ARHGEF1: variants seen among roughly 807,000 people sequenced by gnomAD.
ARHGEF1 encodes 115 kDa guanine nucleotide exchange factor.
Under a neutral mutation model 119.7 loss-of-function variants are expected in ARHGEF1, and 40 were observed. That is an observed-to-expected ratio of 0.33 (90% CI 0.26 to 0.44). The LOEUF is 0.44. Among genes scored for constraint, ARHGEF1 ranks in the 20% least tolerant of loss-of-function variants. The pLI, the probability that ARHGEF1 is intolerant of heterozygous loss-of-function variation, is 1.00. For missense variants in ARHGEF1, 976 were observed against 1,268.3 expected (o/e 0.77, Z 3.50); for synonymous variants, 494 against 521.0 (o/e 0.95, Z 0.71).
At chr19:41,898,658 G>A (rs1413517947) in intron 14 of ARHGEF1, 71 bp downstream of exon 14, 33 of 1,476,922 alleles carry the variant, frequency 2.2e-5, no homozygotes, top group Middle Eastern at 2.4e-4. Context: ...AAAGACAGGC[G>A]CAGAGAGATG....
chr19:41,911,692 A>G (rs537197705), downstream of ARHGEF1, among the ~76,000 whole-genome samples: 2 of 152,084 alleles, frequency 1.3e-5, no homozygotes, highest in East Asian at 1.9e-4. Context: ...CCCATTCCAC[A>G]CCCAGAACAC....
Position 41,912,763 on chromosome 19 carries a change from A to G in ARHGEF1, c.1865+5960A>G, listed in dbSNP as rs1043556738. The G allele has an allele frequency of 1.0e-4, 44 of 427,196 alleles. 1 individual carries two copies. In the South Asian group the frequency reaches 5.2e-3, roughly 50 times the overall value. 26.5% of individuals were successfully genotyped at this position (427,196 alleles called of 1,614,324 possible). A position where few individuals can be genotyped will look rare whatever the true frequency, so the allele number is the denominator to read the frequency against. ...AGAAGGACCCACGGACTAGAGTGAG[A>G]CACGTGGAGACACGGAGAGAAGGGG... is the stretch of plus-strand genomic sequence containing the variant. On this transcript the variant is annotated intron_variant, in intron 18 of 20. Coordinates refer to the ARHGEF1 transcript ENST00000599589.
rs1568831858 is a variant in ARHGEF1, at chr19:41,914,629, GTCTCTGTCTCTCCCTCCCTTTCCACCA to G, written c.1865+7845_1865+7871del. 4.0e-3 allele frequency among the ~76,000 whole-genome samples: 87 copies of G among 21,600 alleles called. 12 individuals are homozygous for G. Among genetic ancestry groups the G allele is most frequent in the Non-Finnish European group, 4.5e-3 (62 of 13,642 alleles). 14.2% of individuals were successfully genotyped at this position (21,600 alleles called of 152,430 possible). A position where few individuals can be genotyped will look rare whatever the true frequency, so the allele number is the denominator to read the frequency against. ...CTCTCCCTCCCCTTCCACCATCTCT[GTCTCTGTCTCTCCCTCCCTTTCCACCA>G]TCTCTGTCTCTCCCTCCCCTTCCAC... On this transcript the variant is annotated intron_variant, in intron 18 of 20. Coordinates refer to the ARHGEF1 transcript ENST00000599589.
rs1408438577 is a variant in ARHGEF1 at position 41,917,583 on chromosome 19, G to C, written c.1866-5509G>C. Reference sequence around the variant, plus strand: ...CGGGGCTCTGTCTAAAGAGGAGAGAGACGCGGCCTAAGACCCTTCTGCCAC... The same window carrying C: ...CGGGGCTCTGTCTAAAGAGGAGAGACACGCGGCCTAAGACCCTTCTGCCAC... On this transcript the variant is annotated intron_variant, in intron 18 of 20. Transcript: ENST00000599589. This position sits in a 1 kb window ranked among gnomAD's most constrained non-coding sequence, Gnocchi z 4.8. Among the ~76,000 whole-genome samples, 1 of 151,276 alleles carries C rather than the reference G, an allele frequency of 6.6e-6. No individual in the cohort carries two copies. Among genetic ancestry groups the C allele is most frequent in the Non-Finnish European group, 1.5e-5 (1 of 67,822 alleles).
At chr19:41,912,588 C>A (rs1294788985) in intron 18 of ARHGEF1, among the ~76,000 whole-genome samples, 1 of 152,146 alleles carries the variant, frequency 6.6e-6, no homozygotes, top group Non-Finnish European at 1.5e-5. Flanking sequence ...GCCTCGGGCC[C>A]CTCCGTCCTC....
chr19:41,894,957 C>G lies in ARHGEF1; in HGVS notation c.877+296C>G, dbSNP rs373097001. Among the ~76,000 whole-genome samples the G allele has an allele frequency of 5.4e-5, 5 of 92,962 alleles. No homozygotes were observed. In the African/African-American group the frequency reaches 8.3e-4, roughly 15 times the overall value. The allele number at this position is 92,962 out of a possible 152,430, so 61.0% of individuals were successfully genotyped here. A position where few individuals can be genotyped will look rare whatever the true frequency, so the allele number is the denominator to read the frequency against. On this transcript the variant is annotated intron_variant, in intron 11 of 28. Transcript: ENST00000354532. Reference sequence around the variant, plus strand: ...AGCTCCTGGGTCTGAGGGAGGGAGGCCTGGGGCCTGGACCCCTGGGTCCGA... The same window carrying G: ...AGCTCCTGGGTCTGAGGGAGGGAGGGCTGGGGCCTGGACCCCTGGGTCCGA...
downstream of ARHGEF1, chr19:41,909,817 T>G: frequency 4.6e-6 from 7 of 1,532,606 alleles, no homozygotes; most frequent in Non-Finnish European, 6.2e-6. The surrounding 1 kb of genome is among the most constrained non-coding windows in gnomAD (Gnocchi z 5.2). Flanking sequence ...GAGGGACAGT[T>G]GGGGGAAAAG....
chr19:41,907,466 G>A, downstream of ARHGEF1: 2 of 1,466,436 alleles, frequency 1.4e-6, no homozygotes, highest in Non-Finnish European at 1.8e-6. Flanking sequence ...CTGTGTGTGT[G>A]ATGGCGGGGT....
chr19:41,905,451 T>TGTGTGC lies in ARHGEF1; in HGVS notation c.2336+197_2336+202dup, dbSNP rs782405439. 1.9e-5 allele frequency: 12 copies of TGTGTGC among 622,290 alleles called. No individual in the cohort carries two copies. In the African/African-American group the frequency reaches 2.2e-4, roughly 12 times the overall value. 38.5% of individuals were successfully genotyped at this position (622,290 alleles called of 1,614,324 possible). ...CATATATAGTGTGTGTATGCATGCA[T>TGTGTGC]GTGTGCGTGTGCATGTGTGTGCGTG... On this transcript the variant is annotated intron_variant, in intron 24 of 28. Coordinates refer to ENST00000354532, the MANE Select transcript of ARHGEF1 (RefSeq NM_004706.4). This position sits in a 1 kb window ranked among gnomAD's most constrained non-coding sequence, Gnocchi z 6.4.
upstream of ARHGEF1, among the ~76,000 whole-genome samples, chr19:41,920,662 G>C (rs1346498318): frequency 1.3e-5 from 2 of 152,252 alleles, no homozygotes; most frequent in African/African-American, 4.8e-5. Context: ...TGTCTACACA[G>C]ATCACATTCA....
Position 41,902,999 on chromosome 19 carries a change from G to A in ARHGEF1, c.1738+101G>A. The A allele has an allele frequency of 1.0e-6, 1 of 995,388 alleles. No homozygotes were observed. Among genetic ancestry groups the A allele is most frequent in the Non-Finnish European group, 1.4e-6 (1 of 692,078 alleles). 61.7% of individuals were successfully genotyped at this position (995,388 alleles called of 1,614,324 possible). A position where few individuals can be genotyped will look rare whatever the true frequency, so the allele number is the denominator to read the frequency against. On this transcript the variant is annotated intron_variant, in intron 18 of 28. Transcript: ENST00000354532. The surrounding 1 kb of genome is among the most constrained non-coding windows in gnomAD (Gnocchi z 6.5). ...AGTGATACCATCACAGCTCACTGCA[G>A]CCTCAACCTCCCAGGATCTACCATC...
intron 18 of ARHGEF1, among the ~76,000 whole-genome samples, chr19:41,913,591 C>G (rs1599673178): frequency 4.0e-5 from 6 of 151,744 alleles, no homozygotes; most frequent in Admixed American, 3.9e-4. Flanking sequence ...GAGGCCTCCA[C>G]AGACCCTAGA....
rs1358308877 is a variant in ARHGEF1 at position 41,902,164 on chromosome 19, G to A, written c.1415-110G>A. 1.1e-5 allele frequency: 17 copies of A among 1,559,368 alleles called. No homozygotes were observed. Among genetic ancestry groups the A allele is most frequent in the African/African-American group, 1.4e-5 (1 of 73,922 alleles). On this transcript the variant is annotated intron_variant, in intron 15 of 28. Transcript: ENST00000354532. The surrounding 1 kb of genome is among the most constrained non-coding windows in gnomAD (Gnocchi z 6.5). The stretch of plus-strand genomic sequence containing the variant: ...GGGGGCAGATACGCCATCCGGTCCC[G>A]AGGATCAGACACAGACACACCTGCA...
Position 41,902,476 on chromosome 19 carries a change from GTCCCTGT to G in ARHGEF1, c.1498-54_1498-48del. Reference sequence around the variant, plus strand: ...TGGGCTTCCAGCCTGTCGTACTTTAGTCCCTGTTCTTGCCCATCCCCACTGAGACACC... The same window carrying G: ...TGGGCTTCCAGCCTGTCGTACTTTAGTCTTGCCCATCCCCACTGAGACACC... On this transcript the variant is annotated intron_variant, in intron 16 of 28. Transcript: ENST00000354532. This position sits in a 1 kb window ranked among gnomAD's most constrained non-coding sequence, Gnocchi z 6.5. 1 of 1,612,748 alleles carries G rather than the reference GTCCCTGT, an allele frequency of 6.2e-7. No individual in the cohort carries two copies. Among genetic ancestry groups the G allele is most frequent in the Non-Finnish European group, 8.5e-7 (1 of 1,179,692 alleles).
In ARHGEF1 at chr19:41,906,159, C is replaced by T. The variant is rs146952424; in HGVS notation, c.2491+134C>T. 3.5e-6 allele frequency: 3 copies of T among 846,646 alleles called. No homozygotes were observed. Among genetic ancestry groups the T allele is most frequent in the Non-Finnish European group, 5.6e-6 (3 of 535,384 alleles). The allele number at this position is 846,646 out of a possible 1,614,324, so 52.4% of individuals were successfully genotyped here. A position where few individuals can be genotyped will look rare whatever the true frequency, so the allele number is the denominator to read the frequency against. On this transcript the variant is annotated intron_variant, in intron 26 of 28. Coordinates refer to ENST00000354532, the MANE Select transcript of ARHGEF1 (RefSeq NM_004706.4). This position sits in a 1 kb window ranked among gnomAD's most constrained non-coding sequence, Gnocchi z 4.5. ...AAACAAATGCTCCAAACCCACCCAG[C>T]CTGCACCACTGTCCTGGGTGCCCAC...
chr19:41,904,001 A>C lies in ARHGEF1; in HGVS notation c.1918-34A>C, dbSNP rs1555849565. ...CCACCAACCCCAATCACCCCCTGCC[A>C]ACCTGCACAAACCATCACCCCCTCC... On this transcript the variant is annotated intron_variant, in intron 20 of 28. Coordinates refer to ENST00000354532, the MANE Select transcript of ARHGEF1 (RefSeq NM_004706.4). This position sits in a 1 kb window ranked among gnomAD's most constrained non-coding sequence, Gnocchi z 8.4. 13 of 1,475,790 alleles carry C rather than the reference A, an allele frequency of 8.8e-6. No homozygotes were observed. Among genetic ancestry groups the C allele is most frequent in the Non-Finnish European group, 1.2e-5 (13 of 1,066,576 alleles). 91.4% of individuals were successfully genotyped at this position (1,475,790 alleles called of 1,614,324 possible). A position where few individuals can be genotyped will look rare whatever the true frequency, so the allele number is the denominator to read the frequency against.
intron 12 of ARHGEF1, 61 bp from the exon 13 acceptor site, chr19:41,896,316 A>G: frequency 1.1e-6 from 1 of 891,980 alleles, no homozygotes; most frequent in Non-Finnish European, 1.6e-6. Context: ...CCAGGCCCCC[A>G]GAGTGTGGGT....
intron 14 of ARHGEF1, among the ~76,000 whole-genome samples, chr19:41,901,131 GT>G (rs529455623): frequency 2.6e-3 from 373 of 146,214 alleles, no homozygotes; most frequent in African/African-American, 8.4e-3. Flanking sequence ...CACCCGGAGA[GT>G]TTTTTTTTTT....
downstream of ARHGEF1, chr19:41,910,126 G>A (rs1555851123): frequency 6.3e-7 from 1 of 1,593,142 alleles, no homozygotes; most frequent in Non-Finnish European, 8.5e-7. This position sits in a 1 kb window ranked among gnomAD's most constrained non-coding sequence, Gnocchi z 4.4. Flanking sequence ...GAGTGGCCTG[G>A]GGTCAGGATG....
Sources: allele counts gnomAD v4.1 joint callset (sites outside exome capture counted in the v4.1 genomes callset), GRCh38; gene constraint gnomAD v4.1.1; non-coding constraint Gnocchi (gnomAD v3.1); transcripts MANE v1.5; gene names NCBI Gene and HGNC (gene_info 2026-07-23, HGNC 2026-07-21).